Variants in CD2AP observed in about 807,000 individuals in gnomAD.
CD2AP encodes CD2 associated protein.
A neutral mutation model predicts 85.1 loss-of-function variants in CD2AP; 46 were observed. The ratio of observed to expected loss-of-function variants is 0.54; its 90% CI spans 0.43 to 0.69. The LOEUF is 0.69. CD2AP is among the 30% of genes least tolerant of loss of function. The pLI is 0.00. For missense variants in CD2AP, 769 were observed against 729.5 expected, an observed-to-expected ratio of 1.05 and a Z score of -0.62; for synonymous variants, 255 against 252.9, an observed-to-expected ratio of 1.01 and a Z score of -0.08.
chr6:47,554,614 T>A, intron 4 of CD2AP, 32 bp from the exon 5 acceptor site: 2 of 1,612,868 alleles, frequency 1.2e-6, no homozygotes, highest in Non-Finnish European at 1.7e-6. Flanking sequence ...TAACAGAAGT[T>A]GTTTTTGCTT....
intron 3 of CD2AP, among the ~76,000 whole-genome samples, chr6:47,541,186 C>T (rs931801466): frequency 6.6e-6 from 1 of 152,234 alleles, no homozygotes; most frequent in South Asian, 2.1e-4. Flanking sequence ...TGCAGTGGCA[C>T]GATCTCAGCT....
At chr6:47,494,334 ATC>A (rs753639563) in intron 1 of CD2AP, among the ~76,000 whole-genome samples, 2 of 152,324 alleles carry the variant, frequency 1.3e-5, no homozygotes, top group Non-Finnish European at 2.9e-5. Flanking sequence ...CTCAGATAGA[ATC>A]TGTATCTTGC....
chr6:47,523,156 C>T (rs550481805), intron 2 of CD2AP, among the ~76,000 whole-genome samples: 14 of 151,936 alleles, frequency 9.2e-5, no homozygotes, highest in Admixed American at 2.0e-4. Flanking sequence ...AATGTATTGA[C>T]GACTTTAATA....
At chr6:47,546,075 A>G (rs895875344) in intron 4 of CD2AP, among the ~76,000 whole-genome samples, 2 of 152,192 alleles carry the variant, frequency 1.3e-5, no homozygotes, top group Non-Finnish European at 2.9e-5. Flanking sequence ...CATCAGAGAA[A>G]GATGAAGCCC....
Position 47,614,100 on chromosome 6 carries a change from A to G in CD2AP, c.1878+1564A>G, listed in dbSNP as rs758696839. On this transcript the variant is annotated intron_variant, in intron 17 of 17. Transcript: ENST00000359314. ...TTACAGTTGGTTAGATCTGCTATCT[A>G]GACCACTCAAACTTTCCTTCATATC... is the stretch of plus-strand genomic sequence containing the variant. 1.1e-3 allele frequency among the ~76,000 whole-genome samples: 172 copies of G among 152,338 alleles called. 1 individual carries two copies. Among genetic ancestry groups the G allele is most frequent in the Middle Eastern group, 3.4e-3 (1 of 294 alleles).
At position 47,529,647 on chromosome 6, in the gene CD2AP, A is replaced by G. The variant is rs550311213; in HGVS notation, c.166-3955A>G. Among the ~76,000 whole-genome samples the G allele has an allele frequency of 3.3e-5, 5 of 152,240 alleles. No individual in the cohort carries two copies. The South Asian group carries it at 8.3e-4, about 25-fold the overall frequency. On this transcript the variant is annotated intron_variant, in intron 2 of 17. Coordinates refer to ENST00000359314, the MANE Select transcript of CD2AP (RefSeq NM_012120.3). Reference sequence around the variant, plus strand: ...TATTATTAGAAGTGTTTTGATCTTTATTTATAAGTTTGGTGATGTTTTTGT... The same window carrying G: ...TATTATTAGAAGTGTTTTGATCTTTGTTTATAAGTTTGGTGATGTTTTTGT...
chr6:47,602,778 T>A (rs1769175006), intron 13 of CD2AP, among the ~76,000 whole-genome samples: 1 of 151,154 alleles, frequency 6.6e-6, no homozygotes. Context: ...AGTCCCATGG[T>A]GTAGCTACTA....
chr6:47,495,277 T>G lies in CD2AP; in HGVS notation c.5-8003T>G, dbSNP rs147755450. Among the ~76,000 whole-genome samples, 4 of 151,946 alleles carry G rather than the reference T, an allele frequency of 2.6e-5. No individual in the cohort carries two copies. The East Asian group carries it at 5.8e-4, about 22-fold the overall frequency. ...GAAAAGAGTAAGGAGAGGGTGAGAT[T>G]TGAGATGGAGACGTAACAGTGGAAC... On this transcript the variant is annotated intron_variant, in intron 1 of 17. Transcript: ENST00000359314.
At chr6:47,532,524 A>G (rs181894615) in intron 2 of CD2AP, among the ~76,000 whole-genome samples, 2 of 152,128 alleles carry the variant, frequency 1.3e-5, no homozygotes, top group African/African-American at 4.8e-5. Context: ...TTCTTGCACA[A>G]TGTATTTTAA....
At chr6:47,529,682 G>A (rs971586300) in intron 2 of CD2AP, among the ~76,000 whole-genome samples, 2 of 152,268 alleles carry the variant, frequency 1.3e-5, no homozygotes, top group East Asian at 3.9e-4. Context: ...TGACCCAGAG[G>A]TATGCCACAG....
At chr6:47,530,028 C>G (rs893486902) in intron 2 of CD2AP, among the ~76,000 whole-genome samples, 1 of 152,314 alleles carries the variant, frequency 6.6e-6, no homozygotes, top group East Asian at 1.9e-4. Flanking sequence ...CTATTGCCTT[C>G]TCTGTACCTT....
chr6:47,566,484 T>G (rs1768007258), intron 5 of CD2AP, among the ~76,000 whole-genome samples: 1 of 151,884 alleles, frequency 6.6e-6, no homozygotes, highest in Non-Finnish European at 1.5e-5. Context: ...GAGTTTTTGT[T>G]GTTGTTGTTG....
chr6:47,544,641 T>A lies in CD2AP; in HGVS notation c.355T>A (p.Tyr119Asn). Residue 119 changes from tyrosine (Y) to asparagine (N), a missense_variant, in exon 4 of 18, where the codon TAC (tyrosine) becomes AAC (asparagine). Tyr to Asn is a moderately radical substitution (Grantham distance 143). Transcript: ENST00000359314. ...GCGTCAGTGTAAAGTTCTTTTTGAG[T>A]ACATTCCACAAAATGAGGATGAACT... is the stretch of plus-strand genomic sequence containing the variant. ...KKRQCKVLFEYIPQNEDELEL... is the reference protein window; with the variant it reads ...KKRQCKVLFENIPQNEDELEL... 18 of 1,612,526 alleles carry A rather than the reference T, an allele frequency of 1.1e-5. No individual in the cohort carries two copies. The highest frequency in any genetic ancestry group is 1.3e-5 in the Non-Finnish European group (15 of 1,178,748).
intron 3 of CD2AP, among the ~76,000 whole-genome samples, chr6:47,536,866 A>G (rs896854991): frequency 1.3e-5 from 2 of 152,170 alleles, no homozygotes; most frequent in Admixed American, 1.3e-4. Flanking sequence ...AAATAAATTG[A>G]CGTGTTTCAG....
At chr6:47,578,384 AT>A (rs972393906) in intron 8 of CD2AP, among the ~76,000 whole-genome samples, 46 of 151,600 alleles carry the variant, frequency 3.0e-4, no homozygotes, top group Admixed American at 1.2e-3. Context: ...TTTTTTCAAA[AT>A]TTTTTTGTAG....
chr6:47,581,533 G>A (rs1319904768), intron 10 of CD2AP, among the ~76,000 whole-genome samples: 2 of 152,088 alleles, frequency 1.3e-5, no homozygotes, highest in Admixed American at 1.3e-4. Flanking sequence ...GAAAACATAA[G>A]TTAAAAGTAA....
At chr6:47,553,579 T>C (rs1346786623) in intron 4 of CD2AP, among the ~76,000 whole-genome samples, 1 of 149,076 alleles carries the variant, frequency 6.7e-6, no homozygotes, top group African/African-American at 2.5e-5. Context: ...TTGGCCAGGC[T>C]GGTCTCAAAC....
chr6:47,508,213 T>G (rs1420707443), intron 2 of CD2AP, among the ~76,000 whole-genome samples: 1 of 152,236 alleles, frequency 6.6e-6, no homozygotes, highest in Admixed American at 6.5e-5. Flanking sequence ...CTTTTTCCAA[T>G]AGAAGGTTTC....
At chr6:47,517,537 G>T (rs1256837893) in intron 2 of CD2AP, among the ~76,000 whole-genome samples, 2 of 152,086 alleles carry the variant, frequency 1.3e-5, no homozygotes, top group Non-Finnish European at 2.9e-5. Context: ...TGATATGCCT[G>T]CCTTGACCTC....
Sources: allele counts gnomAD v4.1 joint callset (sites outside exome capture counted in the v4.1 genomes callset), GRCh38; gene constraint gnomAD v4.1.1; transcripts MANE v1.5; gene names NCBI Gene and HGNC (gene_info 2026-07-23, HGNC 2026-07-21).